The following RTN4 variants were observed in gnomAD, a reference collection of about 807,000 sequenced individuals.
RTN4 encodes the protein reticulon-4.
Under a neutral mutation model 90.4 loss-of-function variants are expected in RTN4, and 32 were observed. The ratio of observed to expected loss-of-function variants is 0.35; its 90% CI spans 0.27 to 0.48. RTN4 has a LOEUF of 0.48. Among genes scored for constraint, RTN4 ranks in the 20% least tolerant of loss-of-function variants. The pLI is 0.99. For missense variants in RTN4, 1,706 were observed against 1,430.2 expected (o/e 1.19, Z -3.11); for synonymous variants, 629 against 552.5 (o/e 1.14, Z -1.94).
chr2:55,127,357 C>A, the RTN4 span, among the ~76,000 whole-genome samples: 2 of 152,180 alleles, frequency 1.3e-5, no homozygotes, highest in Non-Finnish European at 2.9e-5. Context: ...CATAAGAGCA[C>A]AGCCACAGAT....
At chr2:55,010,356 C>T (rs199864557) in intron 3 of RTN4, 63 of 1,335,232 alleles carry the variant, frequency 4.7e-5, no homozygotes, top group Admixed American at 6.4e-5. Context: ...AGCATTAATG[C>T]TTTCCTTCTA....
At chr2:55,023,723 A>T (rs913631437) in intron 3 of RTN4, among the ~76,000 whole-genome samples, 1 of 152,106 alleles carries the variant, frequency 6.6e-6, no homozygotes, top group African/African-American at 2.4e-5. Flanking sequence ...CAAACTTCTT[A>T]AGAGTAATCA....
At chr2:54,988,054 T>C (rs1255722775) in intron 3 of RTN4, among the ~76,000 whole-genome samples, 12 of 152,220 alleles carry the variant, frequency 7.9e-5, no homozygotes, top group Admixed American at 7.9e-4. Context: ...CGGTGGTTCA[T>C]GCCTGTAATC....
At chr2:55,068,648 C>G (rs1266870577) in intron 2 of RTN4, among the ~76,000 whole-genome samples, 2 of 118,258 alleles carry the variant, frequency 1.7e-5, no homozygotes, top group Admixed American at 2.6e-4. Flanking sequence ...GTCGCTCTTT[C>G]AAGTGAAAAA....
chr2:55,058,707 A>T (rs1054137561), intron 2 of RTN4, among the ~76,000 whole-genome samples: 5 of 152,206 alleles, frequency 3.3e-5, no homozygotes, highest in African/African-American at 1.2e-4. Context: ...GGATGCTAAG[A>T]AAAATGGAAA....
the RTN4 span, among the ~76,000 whole-genome samples, chr2:55,137,317 G>A: frequency 6.6e-6 from 1 of 152,170 alleles, no homozygotes; most frequent in Non-Finnish European, 1.5e-5. Flanking sequence ...TGGAAAGGAG[G>A]CCAGAGAGGG....
chr2:55,079,495 C>T (rs904402568), intron 2 of RTN4, among the ~76,000 whole-genome samples: 1 of 152,124 alleles, frequency 6.6e-6, no homozygotes. Context: ...GGTAAAGTGG[C>T]AGAAGACGAT....
At chr2:55,128,038 T>A in the RTN4 span, among the ~76,000 whole-genome samples, 1 of 152,074 alleles carries the variant, frequency 6.6e-6, no homozygotes, top group African/African-American at 2.4e-5. Context: ...CTGGCTAATT[T>A]TTTTATTTTT....
At chr2:54,998,871 C>A (rs1679649239) in intron 3 of RTN4, among the ~76,000 whole-genome samples, 1 of 152,214 alleles carries the variant, frequency 6.6e-6, no homozygotes, top group East Asian at 1.9e-4. Context: ...AGAGTTTATA[C>A]AGGGAAAGTT....
At chr2:55,103,507 T>C (rs1667889489) in intron 1 of RTN4, among the ~76,000 whole-genome samples, 1 of 151,972 alleles carries the variant, frequency 6.6e-6, no homozygotes, top group Admixed American at 6.6e-5. Flanking sequence ...AAATTAATAA[T>C]ATTAATAATA....
intron 3 of RTN4, among the ~76,000 whole-genome samples, chr2:54,989,855 G>A (rs1282023001): frequency 6.6e-6 from 1 of 152,202 alleles, no homozygotes; most frequent in Non-Finnish European, 1.5e-5. Flanking sequence ...CTAACTGTAA[G>A]CATCTTTCTG....
At chr2:55,000,518 T>C (rs1004209683) in intron 3 of RTN4, among the ~76,000 whole-genome samples, 17 of 152,184 alleles carry the variant, frequency 1.1e-4, no homozygotes, top group African/African-American at 3.6e-4. Flanking sequence ...TTCCCCTTTC[T>C]ACAATAATTT....
intron 3 of RTN4, among the ~76,000 whole-genome samples, chr2:54,989,678 G>A (rs1452138927): frequency 6.6e-6 from 1 of 152,060 alleles, no homozygotes; most frequent in Non-Finnish European, 1.5e-5. Flanking sequence ...GGAAAGATAA[G>A]ACATATAAAA....
At chr2:55,103,950 C>T (rs893345310) in intron 1 of RTN4, among the ~76,000 whole-genome samples, 2 of 152,012 alleles carry the variant, frequency 1.3e-5, no homozygotes, top group African/African-American at 2.4e-5. Flanking sequence ...CAACCTCGGC[C>T]TCCCGAAGTG....
chr2:54,991,763 A>T (rs1206812570), intron 3 of RTN4, among the ~76,000 whole-genome samples: 1 of 152,232 alleles, frequency 6.6e-6, no homozygotes, highest in African/African-American at 2.4e-5. Context: ...TTTTATTCAT[A>T]CCAGTCTTCT....
At chr2:55,049,226 C>CT (rs2104979439) in intron 1 of RTN4, 31 of 961,982 alleles carry the variant, frequency 3.2e-5, no homozygotes, top group Non-Finnish European at 3.7e-5. Flanking sequence ...AGGGGCCACC[C>CT]ACGCCAGCCA....
At chr2:55,064,798 T>A (rs1208478010) in intron 2 of RTN4, among the ~76,000 whole-genome samples, 1 of 152,198 alleles carries the variant, frequency 6.6e-6, no homozygotes, top group Non-Finnish European at 1.5e-5. Flanking sequence ...TGAGTCAAAT[T>A]AATTATAATG....
At chr2:55,055,379 G>T (rs939995963), upstream of RTN4, among the ~76,000 whole-genome samples, 1 of 152,022 alleles carries the variant, frequency 6.6e-6, no homozygotes, top group Non-Finnish European at 1.5e-5. Context: ...ATACTTAAAG[G>T]TTGAAGTGTA....
At chr2:55,056,689 G>GT (rs1668196367) in intron 2 of RTN4, 1 of 151,758 alleles carries the variant, frequency 6.6e-6, no homozygotes, top group Admixed American at 6.6e-5. Flanking sequence ...TCTTTCTGTA[G>GT]TTTTGACCTT....
Sources: allele counts gnomAD v4.1 joint callset (sites outside exome capture counted in the v4.1 genomes callset), GRCh38; gene constraint gnomAD v4.1.1; transcripts MANE v1.5; gene names NCBI Gene and HGNC (gene_info 2026-07-23, HGNC 2026-07-21).